MAML3: variants seen among roughly 807,000 people sequenced by gnomAD.
MAML3 encodes mastermind like transcriptional coactivator 3, also known as mastermind-like protein 3.
Under a neutral mutation model 101.9 loss-of-function variants are expected in MAML3, and 27 were observed. That is an observed-to-expected ratio of 0.27 (90% CI 0.20 to 0.37). The LOEUF (loss-of-function observed/expected upper bound fraction) is 0.37, where lower values mean the gene tolerates loss of function less well. Among genes scored for constraint, MAML3 ranks in the 10% least tolerant of loss-of-function variants. MAML3 has a pLI of 1.00. For synonymous variants in MAML3, 501 were observed against 555.9 expected (o/e 0.90, Z 1.39); for missense variants, 1,316 against 1,444.9 (o/e 0.91, Z 1.45).
chr4:140,072,687 A>T (rs956595931), intron 1 of MAML3, among the ~76,000 whole-genome samples: 1 of 147,070 alleles, frequency 6.8e-6, no homozygotes, highest in African/African-American at 2.5e-5. Flanking sequence ...AAAAAAAAAA[A>T]GTATACAGGA....
At chr4:139,909,832 G>T (rs1330637555) in intron 1 of MAML3, among the ~76,000 whole-genome samples, 1 of 34,428 alleles carries the variant, frequency 2.9e-5, no homozygotes, top group East Asian at 4.7e-4. Flanking sequence ...GTGCGATGCC[G>T]TCTCAAAAAA....
At chr4:139,960,508 G>A (rs1733992371) in intron 1 of MAML3, among the ~76,000 whole-genome samples, 1 of 152,154 alleles carries the variant, frequency 6.6e-6, no homozygotes, top group South Asian at 2.1e-4. Context: ...CCAACCTATG[G>A]AGACACGTTC....
chr4:140,083,957 CACACACACACAGAGAG>C (rs1315986679), intron 1 of MAML3, among the ~76,000 whole-genome samples: 4 of 27,282 alleles, frequency 1.5e-4, no homozygotes, highest in Admixed American at 5.2e-4. Context: ...CACACACACA[CACACACACACAGAGAG>C]AGAGAGAGAG....
intron 2 of MAML3, among the ~76,000 whole-genome samples, chr4:139,826,844 T>C (rs1206735243): frequency 6.6e-6 from 1 of 151,840 alleles, no homozygotes; most frequent in East Asian, 1.9e-4. Flanking sequence ...CAAAGATCCC[T>C]CTCCCTTTGG....
At chr4:139,898,210 C>T (rs1367139687) in intron 1 of MAML3, among the ~76,000 whole-genome samples, 1 of 152,158 alleles carries the variant, frequency 6.6e-6, no homozygotes, top group Non-Finnish European at 1.5e-5. Flanking sequence ...AATTGATCCC[C>T]AAAGCAGGCT....
chr4:139,873,476 G>T (rs1732053594), intron 2 of MAML3, among the ~76,000 whole-genome samples: 1 of 152,204 alleles, frequency 6.6e-6, no homozygotes, highest in Non-Finnish European at 1.5e-5. Flanking sequence ...CTTCAGAAGG[G>T]AGAACCTAAT....
intron 1 of MAML3, among the ~76,000 whole-genome samples, chr4:139,998,595 T>C (rs372163563): frequency 2.0e-5 from 3 of 152,224 alleles, no homozygotes; most frequent in South Asian, 2.1e-4. Flanking sequence ...TCAGATTCTA[T>C]TGACTTCTCT....
chr4:140,092,092 A>ATATATATATATATACG (rs1728066498), intron 1 of MAML3, among the ~76,000 whole-genome samples: 1 of 127,406 alleles, frequency 7.8e-6, no homozygotes, highest in Non-Finnish European at 1.7e-5. Flanking sequence ...ATATACGTAT[A>ATATATATATATATACG]TATATATATA....
intron 2 of MAML3, among the ~76,000 whole-genome samples, chr4:139,758,938 C>A (rs1390363938): frequency 2.6e-5 from 4 of 152,220 alleles, no homozygotes; most frequent in Non-Finnish European, 4.4e-5. Flanking sequence ...GGCACCTGAA[C>A]CTCTCTTGAT....
intron 1 of MAML3, among the ~76,000 whole-genome samples, chr4:140,130,376 T>C (rs908448755): frequency 9.8e-5 from 15 of 152,316 alleles, no homozygotes; most frequent in Middle Eastern, 6.8e-3. Flanking sequence ...TGCATATTTC[T>C]AAAAGAAGTT....
rs550828965 is a variant in MAML3, at chr4:139,752,237, T to C, written c.2080-21570A>G. Among the ~76,000 whole-genome samples, 6 of 152,328 alleles carry C rather than the reference T, an allele frequency of 3.9e-5. No individual in the cohort carries two copies. The South Asian group carries it at 1.2e-3, about 32-fold the overall frequency. On this transcript the variant is annotated intron_variant, in intron 2 of 4. Coordinates refer to ENST00000509479, the MANE Select transcript of MAML3 (RefSeq NM_018717.5). Reference sequence around the variant, plus strand: ...ACTAGAAAGAAAGAAAAAAGCACCTTGCAGAACTATGGTGTGCCATCAGTT... The same window carrying C: ...ACTAGAAAGAAAGAAAAAAGCACCTCGCAGAACTATGGTGTGCCATCAGTT...
chr4:140,079,026 C>T (rs1373042140), intron 1 of MAML3, among the ~76,000 whole-genome samples: 1 of 152,110 alleles, frequency 6.6e-6, no homozygotes, highest in Non-Finnish European at 1.5e-5. Flanking sequence ...ATGGGAAGTC[C>T]ACCTTCTGAA....
intron 1 of MAML3, among the ~76,000 whole-genome samples, chr4:140,012,157 A>G: frequency 6.6e-6 from 1 of 152,228 alleles, no homozygotes; most frequent in East Asian, 1.9e-4. Context: ...CAACCCAAAA[A>G]ATTTTATTTT....
At chr4:140,149,601 G>T (rs756580325) in intron 1 of MAML3, among the ~76,000 whole-genome samples, 11 of 152,166 alleles carry the variant, frequency 7.2e-5, no homozygotes, top group Non-Finnish European at 1.2e-4. Flanking sequence ...TTGGTCCTTA[G>T]AAAGTAAACA....
chr4:139,829,000 AG>A (rs1731113853), intron 2 of MAML3, among the ~76,000 whole-genome samples: 2 of 132,870 alleles, frequency 1.5e-5, no homozygotes, highest in East Asian at 2.2e-4. Context: ...GAAGGAAGGA[AG>A]GAAGGAAGGA....
intron 1 of MAML3, among the ~76,000 whole-genome samples, chr4:139,940,742 T>C (rs1733584206): frequency 6.6e-6 from 1 of 152,160 alleles, no homozygotes; most frequent in Non-Finnish European, 1.5e-5. Flanking sequence ...GTGGATGCCA[T>C]TACTTATCCC....
intron 1 of MAML3, among the ~76,000 whole-genome samples, chr4:139,924,867 G>T (rs1462554396): frequency 2.0e-5 from 3 of 152,150 alleles, no homozygotes; most frequent in African/African-American, 4.8e-5. Context: ...ACTTCCTGAG[G>T]ATCAAAAATT....
intron 1 of MAML3, among the ~76,000 whole-genome samples, chr4:140,074,987 A>C (rs1178313182): frequency 6.6e-6 from 1 of 152,220 alleles, no homozygotes; most frequent in Non-Finnish European, 1.5e-5. Context: ...AAATATTCCC[A>C]AATCCAGAAA....
chr4:139,896,180 G>A (rs1368649891), intron 1 of MAML3, among the ~76,000 whole-genome samples: 1 of 152,112 alleles, frequency 6.6e-6, no homozygotes, highest in African/African-American at 2.4e-5. Context: ...TGATTCACAA[G>A]CTCCCTGCTC....
Sources: gnomAD v4.1 joint callset for allele counts (sites outside exome capture counted in the v4.1 genomes callset) on GRCh38, gnomAD v4.1.1 for gene constraint, MANE v1.5 for transcripts, NCBI Gene and HGNC (gene_info 2026-07-23, HGNC 2026-07-21) for gene names.